Variants in CD28 observed in about 807,000 individuals in gnomAD.
The protein encoded by CD28 is T-cell-specific surface glycoprotein CD28.
In CD28, 8 loss-of-function variants were observed where a neutral mutation model predicts 21.4. The observed-to-expected ratio is 0.37, with a 90% CI of 0.22 to 0.68. The LOEUF (loss-of-function observed/expected upper bound fraction) is 0.68. Among genes scored for constraint, CD28 ranks in the 30% least tolerant of loss-of-function variants. The pLI, the probability that CD28 is intolerant of heterozygous loss-of-function variation, is 0.55. For missense variants in CD28, 239 were observed against 272.2 expected (o/e 0.88, Z 0.86); for synonymous variants, 106 against 104.0 (o/e 1.02, Z -0.12).
rs749826156 is a variant in CD28, at chr2:203,734,925, T to A, written c.*13T>A. The A allele has an allele frequency of 6.2e-7, 1 of 1,612,950 alleles. No homozygotes were observed. The highest frequency in any genetic ancestry group is 1.7e-5 in the Admixed American group (1 of 59,874). On this transcript the variant is annotated 3_prime_UTR_variant, in exon 4 of 4. Coordinates refer to ENST00000324106, the MANE Select transcript of CD28 (RefSeq NM_006139.4). ...CTATCGCTCCTGACACGGACGCCTATCCAGAAGCCAGCCGGCTGGCAGCCC... is the reference window on the plus strand; with the variant it reads ...CTATCGCTCCTGACACGGACGCCTAACCAGAAGCCAGCCGGCTGGCAGCCC...
intron 3 of CD28, among the ~76,000 whole-genome samples, chr2:203,731,374 T>C (rs1693884195): frequency 1.3e-5 from 2 of 152,236 alleles, no homozygotes; most frequent in African/African-American, 2.4e-5. Context: ...TTCTTCTTAA[T>C]CTCTGGCCAT....
rs1694104959 is a variant in CD28, at chr2:203,738,534, G to T, written c.*3622G>T. On this transcript the variant is annotated 3_prime_UTR_variant, in exon 4 of 4. Coordinates refer to ENST00000324106, the MANE Select transcript of CD28 (RefSeq NM_006139.4). ...GCTCAGAAAGTCTCTCTTTCCTATA[G>T]ATATATGCATACTTTCTGACATATA... is the stretch of plus-strand genomic sequence containing the variant. 6.6e-6 allele frequency: 1 copy of T among 152,110 alleles called. No individual in the cohort carries two copies. Among genetic ancestry groups the T allele is most frequent in the Non-Finnish European group, 1.5e-5 (1 of 68,032 alleles). The allele number at this position is 152,110 out of a possible 1,614,324, so 9.4% of individuals were successfully genotyped here. A position where few individuals can be genotyped will look rare whatever the true frequency, so the allele number is the denominator to read the frequency against.
chr2:203,713,842 A>G (rs1693382359), intron 1 of CD28, among the ~76,000 whole-genome samples: 2 of 117,618 alleles, frequency 1.7e-5, no homozygotes, highest in Non-Finnish European at 3.6e-5. Flanking sequence ...CCTGAGAGAG[A>G]GAGAGAGAGG....
intron 1 of CD28, among the ~76,000 whole-genome samples, chr2:203,726,098 C>G (rs1693739983): frequency 6.6e-6 from 1 of 152,078 alleles, no homozygotes; most frequent in Admixed American, 6.5e-5. Context: ...GTAATCCCAG[C>G]TACTTAAGAG....
Position 203,735,165 on chromosome 2 carries a change from A to T in CD28, c.*253A>T, listed in dbSNP as rs1385613068. 1 of 474,912 alleles carries T rather than the reference A, an allele frequency of 2.1e-6. No individual in the cohort carries two copies. Among genetic ancestry groups the T allele is most frequent in the Non-Finnish European group, 3.7e-6 (1 of 270,136 alleles). The allele number at this position is 474,912 out of a possible 1,614,324, so 29.4% of individuals were successfully genotyped here. On this transcript the variant is annotated 3_prime_UTR_variant, in exon 4 of 4. Transcript: ENST00000324106. ...CCACATTCCAACTTACCATGTACTTAGTGACTTGACTGAGAAGTTAGGGTA... is the reference window on the plus strand; with the variant it reads ...CCACATTCCAACTTACCATGTACTTTGTGACTTGACTGAGAAGTTAGGGTA...
rs552964589 is a variant in CD28 at position 203,722,678 on chromosome 2, T to G, written c.53-3955T>G. 3.9e-5 allele frequency among the ~76,000 whole-genome samples: 6 copies of G among 152,304 alleles called. No homozygotes were observed. The East Asian group carries it at 1.2e-3, about 29-fold the overall frequency. On this transcript the variant is annotated intron_variant, in intron 1 of 3. Transcript: ENST00000324106. ...CACATGAATCCAAAGCTAAGCAAAT[T>G]GAAGCATGTGAAACAAGAGTTGTTT...
chr2:203,716,741 C>T (rs979616097), intron 1 of CD28, among the ~76,000 whole-genome samples: 1 of 152,136 alleles, frequency 6.6e-6, no homozygotes, highest in Non-Finnish European at 1.5e-5. Flanking sequence ...AACAAGTGTC[C>T]TCTACATTAT....
chr2:203,712,340 A>G (rs900887675), intron 1 of CD28, among the ~76,000 whole-genome samples: 1 of 152,226 alleles, frequency 6.6e-6, no homozygotes, highest in Non-Finnish European at 1.5e-5. Flanking sequence ...AACATCTGGA[A>G]ACAGATAAAT....
intron 1 of CD28, among the ~76,000 whole-genome samples, chr2:203,721,619 AGTTG>A (rs553157338): frequency 6.6e-6 from 1 of 152,152 alleles, no homozygotes; most frequent in African/African-American, 2.4e-5. Context: ...ACTTAGTAAA[AGTTG>A]GTCAAATCCA....
At chr2:203,712,461 C>G (rs1462631968) in intron 1 of CD28, among the ~76,000 whole-genome samples, 2 of 152,152 alleles carry the variant, frequency 1.3e-5, no homozygotes, top group Non-Finnish European at 2.9e-5. Context: ...CCTGAAGAAG[C>G]CTTCTCTGAG....
intron 3 of CD28, among the ~76,000 whole-genome samples, chr2:203,730,048 T>C (rs1450370290): frequency 6.6e-6 from 1 of 152,162 alleles, no homozygotes; most frequent in Non-Finnish European, 1.5e-5. Context: ...AGCAGTTGCC[T>C]TTCTTCTCCC....
At chr2:203,721,666 C>G (rs191712484) in intron 1 of CD28, among the ~76,000 whole-genome samples, 1 of 152,236 alleles carries the variant, frequency 6.6e-6, no homozygotes, top group East Asian at 1.9e-4. Context: ...TCAGGTCAGC[C>G]GTCATCTCCT....
intron 1 of CD28, among the ~76,000 whole-genome samples, chr2:203,716,224 C>T (rs542881239): frequency 1.6e-4 from 24 of 152,276 alleles, no homozygotes; most frequent in Non-Finnish European, 3.2e-4. Context: ...TTTCCATGAT[C>T]TTAGCCTGTC....
At chr2:203,723,175 A>C (rs1376479351) in intron 1 of CD28, among the ~76,000 whole-genome samples, 6 of 152,212 alleles carry the variant, frequency 3.9e-5, no homozygotes, top group African/African-American at 9.7e-5. Flanking sequence ...AACTTTTAAG[A>C]TAATATGAAA....
At chr2:203,720,144 CA>C (rs1182400042) in intron 1 of CD28, among the ~76,000 whole-genome samples, 1 of 152,180 alleles carries the variant, frequency 6.6e-6, no homozygotes, top group Non-Finnish European at 1.5e-5. Flanking sequence ...TCACAAGCAG[CA>C]GATAAGTACC....
At chr2:203,713,236 T>C (rs3116485) in intron 1 of CD28, among the ~76,000 whole-genome samples, 3,738 of 152,296 alleles carry the variant, frequency 0.025, 86 homozygotes, top group Middle Eastern at 0.078. Context: ...TTTCAAGTCA[T>C]TTTGAAGTAA....
intron 1 of CD28, among the ~76,000 whole-genome samples, chr2:203,712,213 T>C (rs746662133): frequency 1.3e-5 from 2 of 151,342 alleles, no homozygotes; most frequent in Non-Finnish European, 2.9e-5. Flanking sequence ...AAAAAAGAAA[T>C]ATAAAATCAG....
intron 1 of CD28, among the ~76,000 whole-genome samples, chr2:203,725,682 G>A (rs546507982): frequency 5.1e-4 from 78 of 152,120 alleles, no homozygotes; most frequent in Non-Finnish European, 9.8e-4. Context: ...ATGGACCAGA[G>A]AGATAACTCC....
At chr2:203,717,849 G>A (rs949190028) in intron 1 of CD28, among the ~76,000 whole-genome samples, 1 of 152,160 alleles carries the variant, frequency 6.6e-6, no homozygotes, top group African/African-American at 2.4e-5. Flanking sequence ...TCTGTGTGAA[G>A]AGATTTTCCT....
Sources: allele counts gnomAD v4.1 joint callset (sites outside exome capture counted in the v4.1 genomes callset), GRCh38; gene constraint gnomAD v4.1.1; transcripts MANE v1.5; gene names NCBI Gene and HGNC (gene_info 2026-07-23, HGNC 2026-07-21).